CORO2A: variants seen among roughly 807,000 people sequenced by gnomAD.
CORO2A encodes coronin-2A.
CORO2A carries 47 observed loss-of-function variants against 62.4 expected under a neutral mutation model. The ratio of observed to expected loss-of-function variants is 0.75; its 90% CI spans 0.60 to 0.96. The LOEUF (loss-of-function observed/expected upper bound fraction) is 0.96, where lower values mean the gene tolerates loss of function less well. Ranked by LOEUF, CORO2A falls within the 40% of genes least tolerant of loss-of-function variation. CORO2A has a pLI of 0.00. For missense variants in CORO2A, 610 were observed against 684.1 expected, an observed-to-expected ratio of 0.89 and a Z score of 1.21; for synonymous variants, 273 against 268.9, an observed-to-expected ratio of 1.02 and a Z score of -0.15.
chr9:98,154,729 C>A (rs7851013), intron 2 of CORO2A, among the ~76,000 whole-genome samples: 2 of 152,114 alleles, frequency 1.3e-5, no homozygotes, highest in African/African-American at 2.4e-5. Flanking sequence ...TTATTTCACT[C>A]AACTTTATCT....
At chr9:98,130,596 G>A (rs1363296534) in intron 7 of CORO2A, among the ~76,000 whole-genome samples, 1 of 152,252 alleles carries the variant, frequency 6.6e-6, no homozygotes, top group Non-Finnish European at 1.5e-5. Context: ...TGGATGGAGG[G>A]GGAGAGATGC....
intron 1 of CORO2A, among the ~76,000 whole-genome samples, chr9:98,161,058 CT>C: frequency 6.6e-6 from 1 of 152,310 alleles, no homozygotes; most frequent in Non-Finnish European, 1.5e-5. Context: ...GAGAAATACA[CT>C]TGTAGAGTGA....
rs757520567 is a variant in CORO2A at position 98,157,512 on chromosome 9, A to G, written c.149T>C (p.Val50Ala). Residue 50 changes from valine (V) to alanine (A), a missense_variant, in exon 2 of 12, where the codon GTT (valine) becomes GCT (alanine). Val to Ala is a moderately conservative substitution (Grantham distance 64). Coordinates refer to ENST00000375077, the MANE Select transcript of CORO2A (RefSeq NM_052820.4). ...CCCTCCACCAGCACACTCAGTCACA[A>G]CTGCAATGAAGTGGGGGTTCACGGC... ...FCAVNPHFIA[V>A]VTECAGGGAF... 1 of 1,614,180 alleles carries G rather than the reference A, an allele frequency of 6.2e-7. No homozygotes were observed. Among genetic ancestry groups the G allele is most frequent in the Non-Finnish European group, 8.5e-7 (1 of 1,180,044 alleles).
chr9:98,178,468 A>G (rs1351544597), intron 1 of CORO2A, among the ~76,000 whole-genome samples: 2 of 152,234 alleles, frequency 1.3e-5, no homozygotes, highest in Non-Finnish European at 2.9e-5. Context: ...GTTAGCTTAG[A>G]GTGGTGAATA....
intron 11 of CORO2A, 48 bp from the exon 12 acceptor site, chr9:98,124,953 C>A: frequency 6.5e-7 from 1 of 1,545,696 alleles, no homozygotes; most frequent in Non-Finnish European, 8.7e-7. Context: ...GTCAGGACAC[C>A]AGCTGAAAGC....
chr9:98,171,101 G>A (rs73657111), intron 1 of CORO2A, among the ~76,000 whole-genome samples: 10,766 of 152,160 alleles, frequency 0.071, 1,081 homozygotes, highest in African/African-American at 0.23. Context: ...GATCACTGGG[G>A]ATTTTCCAAG....
In CORO2A at chr9:98,132,179, C is replaced by T; in HGVS notation, c.765+6G>A. 1.2e-6 allele frequency: 2 copies of T among 1,608,340 alleles called. No individual in the cohort carries two copies. The highest frequency in any genetic ancestry group is 1.7e-5 in the Admixed American group (1 of 60,018). The stretch of plus-strand genomic sequence containing the variant: ...GTGATGGTGAGGGGTGGGGTGCAGC[C>T]CTCACCTGGTCCCACAAGGCCACCT... On this transcript the variant is annotated splice_donor_region_variant and intron_variant, in intron 6 of 11. Transcript: ENST00000375077.
intron 1 of CORO2A, among the ~76,000 whole-genome samples, chr9:98,162,581 G>T (rs1350211656): frequency 1.3e-5 from 2 of 152,200 alleles, no homozygotes; most frequent in African/African-American, 4.8e-5. Context: ...CTCTCCCTTT[G>T]TATGTGGCAT....
intron 2 of CORO2A, among the ~76,000 whole-genome samples, chr9:98,146,183 C>A (rs372343323): frequency 2.0e-5 from 3 of 152,328 alleles, no homozygotes; most frequent in East Asian, 3.9e-4. Context: ...TTCATTCCTC[C>A]CCACCCTCCA....
At chr9:98,169,554 C>T (rs1204877925) in intron 1 of CORO2A, among the ~76,000 whole-genome samples, 3 of 152,204 alleles carry the variant, frequency 2.0e-5, no homozygotes, top group Admixed American at 1.3e-4. Context: ...AAATGCACCC[C>T]GGGTCCCCTC....
At chr9:98,144,409 C>T (rs1827614889) in intron 2 of CORO2A, among the ~76,000 whole-genome samples, 2 of 152,140 alleles carry the variant, frequency 1.3e-5, no homozygotes, top group African/African-American at 4.8e-5. Flanking sequence ...GGGAATGTTT[C>T]CTCTTATGGC....
In CORO2A at chr9:98,128,207, G is replaced by T. The variant is rs1375983134; in HGVS notation, c.1134C>A (p.Ser378=). 6.2e-7 allele frequency: 1 copy of T among 1,613,756 alleles called. No individual in the cohort carries two copies. The highest frequency in any genetic ancestry group is 1.7e-5 in the Admixed American group (1 of 59,986). The part of the protein sequence containing the change: ...IYPPTAGAQP[S]LTAQEWLSGM... ...CGCTGAGCCACTCCTGGGCCGTCAG[G>T]GAGGGCTGGGCCCCTGCTGTTGGAG... The change falls in exon 10 of 12, where the codon TCC becomes TCA. Residue 378 remains serine, a synonymous_variant. Transcript: ENST00000375077.
intron 1 of CORO2A, among the ~76,000 whole-genome samples, chr9:98,187,074 T>C (rs1247833179): frequency 6.6e-6 from 1 of 151,752 alleles, no homozygotes; most frequent in Non-Finnish European, 1.5e-5. Flanking sequence ...GGTCAGGAGA[T>C]TGAGGCCATC....
At chr9:98,184,232 AT>A (rs55763078) in intron 1 of CORO2A, among the ~76,000 whole-genome samples, 47,860 of 148,774 alleles carry the variant, frequency 0.32, 8,580 homozygotes, top group African/African-American at 0.51. Flanking sequence ...ATTTTATTTT[AT>A]TTTTTTTTTT....
intron 10 of CORO2A, 108 bp from the exon 11 acceptor site, chr9:98,126,931 C>T (rs1324404789): frequency 9.0e-6 from 11 of 1,227,362 alleles, no homozygotes; most frequent in Non-Finnish European, 1.3e-5. Flanking sequence ...GCCATGCAGA[C>T]CCATGCAACA....
At chr9:98,146,184 C>T (rs970824589) in intron 2 of CORO2A, among the ~76,000 whole-genome samples, 2 of 152,202 alleles carry the variant, frequency 1.3e-5, no homozygotes, top group Non-Finnish European at 2.9e-5. Context: ...TCATTCCTCC[C>T]CACCCTCCAC....
intron 1 of CORO2A, among the ~76,000 whole-genome samples, chr9:98,172,053 A>C (rs72603684): frequency 0.099 from 15,125 of 152,022 alleles, 886 homozygotes; most frequent in Middle Eastern, 0.14. Flanking sequence ...GGGGTTGCGG[A>C]ACCCCATGAG....
chr9:98,154,352 T>TATATATATATATACATATAC (rs71369555), intron 2 of CORO2A, among the ~76,000 whole-genome samples: 3 of 94,058 alleles, frequency 3.2e-5, no homozygotes, highest in African/African-American at 1.1e-4. Context: ...TATATATATA[T>TATATATATATATACATATAC]ACACAAATAC....
At chr9:98,158,823 T>C (rs987834310) in intron 1 of CORO2A, among the ~76,000 whole-genome samples, 2 of 139,692 alleles carry the variant, frequency 1.4e-5, no homozygotes, top group Admixed American at 1.5e-4. Flanking sequence ...CAAAGAGAAA[T>C]TAAAAAGAAG....
Sources: allele counts gnomAD v4.1 joint callset (sites outside exome capture counted in the v4.1 genomes callset), GRCh38; gene constraint gnomAD v4.1.1; transcripts MANE v1.5; gene names NCBI Gene and HGNC (gene_info 2026-07-23, HGNC 2026-07-21).